SIN3A: variants seen among roughly 807,000 people sequenced by gnomAD.
The protein encoded by SIN3A is paired amphipathic helix protein Sin3a.
A neutral mutation model predicts 146.1 loss-of-function variants in SIN3A; 14 were observed. That is an observed-to-expected ratio of 0.10 (90% CI 0.06 to 0.15). The LOEUF is 0.15. SIN3A is among the 10% of genes least tolerant of loss of function. The probability of loss-of-function intolerance (pLI) is 1.00; values close to 1 mark genes in which losing one functional copy is unlikely to be tolerated. For synonymous variants in SIN3A, 572 were observed against 572.0 expected, an observed-to-expected ratio of 1.00 and a Z score of 0.00; for missense variants, 1,028 against 1,576.0, an observed-to-expected ratio of 0.65 and a Z score of 5.89.
At chr15:75,380,023 T>C (rs1345911948) in intron 19 of SIN3A, among the ~76,000 whole-genome samples, 1 of 152,248 alleles carries the variant, frequency 6.6e-6, no homozygotes, top group Non-Finnish European at 1.5e-5. Flanking sequence ...GTACAAACTC[T>C]ATAGCTTATG....
At chr15:75,437,320 G>A (rs1005308319) in intron 1 of SIN3A, among the ~76,000 whole-genome samples, 3 of 151,888 alleles carry the variant, frequency 2.0e-5, no homozygotes, top group African/African-American at 4.8e-5. Context: ...CATAGGCAGC[G>A]CCACCATATC....
chr15:75,426,328 G>T (rs8028182), intron 2 of SIN3A, among the ~76,000 whole-genome samples: 46,103 of 152,014 alleles, frequency 0.3, 8,600 homozygotes, highest in African/African-American at 0.52. Flanking sequence ...GACACCTAAG[G>T]AATCACCATT....
chr15:75,454,931 C>T (rs949379003), upstream of SIN3A: 2 of 152,354 alleles, frequency 1.3e-5, no homozygotes, highest in East Asian at 3.9e-4. Context: ...CGCGGCCTGA[C>T]GGGTTCCGGC....
intron 13 of SIN3A, among the ~76,000 whole-genome samples, chr15:75,395,654 T>C (rs1315046056): frequency 1.3e-5 from 2 of 152,020 alleles, no homozygotes; most frequent in African/African-American, 2.4e-5. Context: ...TGCCAGCACT[T>C]TGGGGAGGCC....
chr15:75,413,842 C>T (rs544040785), intron 4 of SIN3A, among the ~76,000 whole-genome samples: 1 of 152,332 alleles, frequency 6.6e-6, no homozygotes, highest in East Asian at 1.9e-4. Flanking sequence ...CAGTATACAT[C>T]ATTTCAGCAC....
chr15:75,391,765 T>C lies in SIN3A; in HGVS notation c.2851+477A>G, dbSNP rs117236190. On this transcript the variant is annotated intron_variant, in intron 15 of 20. Transcript: ENST00000394947. Reference sequence around the variant, plus strand: ...TCTCATATCACCTTTTGAGTTCCAGTCTCCTTTCCATAAACTATTTCTACA... The same window carrying C: ...TCTCATATCACCTTTTGAGTTCCAGCCTCCTTTCCATAAACTATTTCTACA... 3.0e-3 allele frequency among the ~76,000 whole-genome samples: 451 copies of C among 152,292 alleles called. 8 individuals are homozygous for C. The highest frequency in any genetic ancestry group is 0.013 in the East Asian group (70 of 5,188).
chr15:75,424,838 A>C (rs375434198), intron 2 of SIN3A, among the ~76,000 whole-genome samples: 2 of 152,204 alleles, frequency 1.3e-5, no homozygotes, highest in East Asian at 1.9e-4. Context: ...AATAGTTTCT[A>C]AACAATTTCT....
intron 1 of SIN3A, among the ~76,000 whole-genome samples, chr15:75,451,119 C>G (rs1026210311): frequency 6.6e-6 from 1 of 151,156 alleles, no homozygotes; most frequent in Non-Finnish European, 1.5e-5. Flanking sequence ...GCAAACTGCA[C>G]TCAGCGCGAA....
In SIN3A at chr15:75,383,011, C is replaced by T. The variant is rs572911135; in HGVS notation, c.3195+1253G>A. ...CCGAGGCAGGAGAACTGCTTGAACC[C>T]AGGAGGCGGAGGTTGCAGTGAGCTG... On this transcript the variant is annotated intron_variant, in intron 17 of 20. Coordinates refer to ENST00000394947, the MANE Select transcript of SIN3A (RefSeq NM_001145358.2). 6.6e-5 allele frequency among the ~76,000 whole-genome samples: 10 copies of T among 152,162 alleles called. No individual in the cohort carries two copies. In the South Asian group the frequency reaches 2.1e-3, roughly 32 times the overall value.
intron 8 of SIN3A, 147 bp downstream of exon 8, chr15:75,409,689 T>C (rs897840640): frequency 1.4e-5 from 11 of 803,780 alleles, no homozygotes; most frequent in Non-Finnish European, 2.2e-5. Flanking sequence ...ATCGTGCCAC[T>C]GCACTCCAGC....
In SIN3A at chr15:75,396,378, C is replaced by G; in HGVS notation, c.1973G>C (p.Gly658Ala). The change falls in exon 13 of 21, where the codon GGG becomes GCG. Residue 658 changes from glycine to alanine, a missense_variant. Physicochemically the swap from Gly to Ala is moderately conservative, Grantham distance 60 (BLOSUM62 0). Coordinates refer to ENST00000394947, the MANE Select transcript of SIN3A (RefSeq NM_001145358.2). ...TCTATGGATGACTTCTGATGTGCCCCCAAGGGTGTTGTCCAAGCGAAATTT... is the reference window on the plus strand; with the variant it reads ...TCTATGGATGACTTCTGATGTGCCCGCAAGGGTGTTGTCCAAGCGAAATTT... Reference protein sequence around the residue: ...QAKFRLDNTLGGTSEVIHRKA... With the variant: ...QAKFRLDNTLAGTSEVIHRKA... The G allele has an allele frequency of 1.9e-6, 3 of 1,614,096 alleles. No homozygotes were observed. Among genetic ancestry groups the G allele is most frequent in the Non-Finnish European group, 2.5e-6 (3 of 1,180,010 alleles).
Position 75,389,804 on chromosome 15 carries a change from C to G in SIN3A, c.2869G>C (p.Asp957His). Residue 957 changes from aspartate to histidine, a missense_variant, in exon 16 of 21, where the codon GAT becomes CAT. By Grantham distance (81) the Asp-to-His change is moderately conservative. This residue lies in a region of SIN3A where 488 missense variants were observed against 690.2 expected (regional missense o/e 0.71). Transcript: ENST00000394947. ...LKEPMDVDVE[D>H]YYPAFLDMVR... ...ATGTCCAGGAAAGCTGGGTAATAAT[C>G]TTCTACATCAACATCCACTGTGGGA... 6.2e-7 allele frequency: 1 copy of G among 1,614,128 alleles called. No homozygotes were observed. Among genetic ancestry groups the G allele is most frequent in the Non-Finnish European group, 8.5e-7 (1 of 1,179,990 alleles).
intron 9 of SIN3A, among the ~76,000 whole-genome samples, chr15:75,404,485 G>T (rs1396472783): frequency 6.6e-6 from 1 of 152,194 alleles, no homozygotes; most frequent in Non-Finnish European, 1.5e-5. Flanking sequence ...ACAGGACTGG[G>T]TGCAGTGGCT....
chr15:75,402,100 A>C (rs535024865), intron 9 of SIN3A, 130 bp from the exon 10 acceptor site: 1 of 636,392 alleles, frequency 1.6e-6, no homozygotes, highest in African/African-American at 1.9e-5. Flanking sequence ...TCCCATCCTC[A>C]GCCTCCCAAG....
At chr15:75,402,431 T>G (rs936280916) in intron 9 of SIN3A, among the ~76,000 whole-genome samples, 2 of 151,712 alleles carry the variant, frequency 1.3e-5, no homozygotes, top group African/African-American at 4.8e-5. Context: ...CATAAGATTA[T>G]CACTTGAACC....
Position 75,430,424 on chromosome 15 carries a change from G to A in SIN3A, c.-33-16C>T. On this transcript the variant is annotated splice_polypyrimidine_tract_variant and intron_variant, in intron 1 of 20. Transcript: ENST00000394947. ...ACTACAAAACCTGCAGAAACCAAAA[G>A]CAATAGCATGCAAGTCAATTCTCAC... is the stretch of plus-strand genomic sequence containing the variant. 1 of 1,537,286 alleles carries A rather than the reference G, an allele frequency of 6.5e-7. No individual in the cohort carries two copies. Among genetic ancestry groups the A allele is most frequent in the Non-Finnish European group, 8.8e-7 (1 of 1,141,662 alleles).
In SIN3A at chr15:75,370,353, A is replaced by G. The variant is rs1372867066; in HGVS notation, c.*1626T>C. 6.6e-6 allele frequency: 1 copy of G among 152,236 alleles called. No homozygotes were observed. The highest frequency in any genetic ancestry group is 6.5e-5 in the Admixed American group (1 of 15,288). 9.4% of individuals were successfully genotyped at this position (152,236 alleles called of 1,614,324 possible). A position where few individuals can be genotyped will look rare whatever the true frequency, so the allele number is the denominator to read the frequency against. ...GGTGATTTTTAACTAAAAAGCAAAC[A>G]TAAAACACACAGAACATTGCTGGTT... On this transcript the variant is annotated 3_prime_UTR_variant, in exon 21 of 21. Transcript: ENST00000394947.
intron 18 of SIN3A, chr15:75,381,120 A>C: frequency 5.6e-6 from 1 of 179,636 alleles, no homozygotes; most frequent in Admixed American, 5.5e-5. Flanking sequence ...TCTGCCAACA[A>C]GCCAACATTC....
At chr15:75,402,309 C>T (rs1277758993) in intron 9 of SIN3A, among the ~76,000 whole-genome samples, 2 of 152,104 alleles carry the variant, frequency 1.3e-5, no homozygotes, top group Admixed American at 6.6e-5. Context: ...GCCAGGACTT[C>T]GAGCCCAGAC....
Sources: gnomAD v4.1 joint callset for allele counts (sites outside exome capture counted in the v4.1 genomes callset) on GRCh38, gnomAD v4.1.1 for gene constraint, gnomAD v4.1.1 regional missense constraint, MANE v1.5 for transcripts, NCBI Gene and HGNC (gene_info 2026-07-23, HGNC 2026-07-21) for gene names.